The following BICC1 variants were observed in gnomAD, a reference collection of about 807,000 sequenced individuals.
The protein encoded by BICC1 is protein bicaudal C homolog 1.
BICC1 carries 43 observed loss-of-function variants against 111.0 expected under a neutral mutation model. The ratio of observed to expected loss-of-function variants is 0.39; its 90% CI spans 0.30 to 0.50. The LOEUF (loss-of-function observed/expected upper bound fraction) is 0.50. Among genes scored for constraint, BICC1 ranks in the 20% least tolerant of loss-of-function variants. BICC1 has a pLI of 0.88. For synonymous variants in BICC1, 467 were observed against 434.4 expected (o/e 1.07, Z -0.93); for missense variants, 1,091 against 1,203.2 (o/e 0.91, Z 1.38).
At chr10:58,693,692 G>T (rs1317813341) in intron 2 of BICC1, among the ~76,000 whole-genome samples, 1 of 151,656 alleles carries the variant, frequency 6.6e-6, no homozygotes, top group African/African-American at 2.4e-5. Flanking sequence ...TCCTTTGCCC[G>T]CTTTTTGATG....
chr10:58,831,065 G>C lies in BICC1; in HGVS notation c.*2174G>C, dbSNP rs1844538571. Reference sequence around the variant, plus strand: ...GCTTTGATATGCCAAAGGGAAAACTGTCCCACTTAAATTAGATTAAGTAGG... The same window carrying C: ...GCTTTGATATGCCAAAGGGAAAACTCTCCCACTTAAATTAGATTAAGTAGG... On this transcript the variant is annotated 3_prime_UTR_variant, in exon 21 of 21. Transcript: ENST00000373886. 2 of 152,134 alleles carry C rather than the reference G, an allele frequency of 1.3e-5. 1 individual carries two copies. The highest frequency in any genetic ancestry group is 1.3e-4 in the Admixed American group (2 of 15,256). 9.4% of individuals were successfully genotyped at this position (152,134 alleles called of 1,614,324 possible).
At chr10:58,638,753 T>C (rs1224950052) in intron 2 of BICC1, among the ~76,000 whole-genome samples, 1 of 152,198 alleles carries the variant, frequency 6.6e-6, no homozygotes, top group African/African-American at 2.4e-5. Flanking sequence ...GTCCCGGCAC[T>C]GGGTATCTCT....
chr10:58,547,091 T>G (rs1412758250), intron 1 of BICC1, among the ~76,000 whole-genome samples: 1 of 152,214 alleles, frequency 6.6e-6, no homozygotes, highest in Non-Finnish European at 1.5e-5. Flanking sequence ...CAAACCCAGT[T>G]TCCCCTTATT....
At chr10:58,673,344 T>G (rs1190402761) in intron 2 of BICC1, among the ~76,000 whole-genome samples, 1 of 152,172 alleles carries the variant, frequency 6.6e-6, no homozygotes, top group Non-Finnish European at 1.5e-5. Context: ...CCAATATTTA[T>G]TCAGGAAGTA....
At chr10:58,677,638 A>G (rs1371654537) in intron 2 of BICC1, among the ~76,000 whole-genome samples, 1 of 152,248 alleles carries the variant, frequency 6.6e-6, no homozygotes, top group East Asian at 1.9e-4. Context: ...GCTGTTCTCC[A>G]GGAGAACTTT....
intron 3 of BICC1, among the ~76,000 whole-genome samples, chr10:58,741,086 A>G (rs1308681948): frequency 6.6e-6 from 1 of 152,132 alleles, no homozygotes; most frequent in Non-Finnish European, 1.5e-5. Flanking sequence ...TGTCCTAAGG[A>G]ATTTGTTCTT....
intron 3 of BICC1, among the ~76,000 whole-genome samples, chr10:58,773,267 A>G (rs1842666230): frequency 6.6e-6 from 1 of 152,160 alleles, no homozygotes; most frequent in Non-Finnish European, 1.5e-5. Flanking sequence ...TTCTGTGGAG[A>G]AAGGAGACCA....
chr10:58,806,943 A>C, intron 16 of BICC1, 61 bp from the exon 17 acceptor site: 1 of 1,426,092 alleles, frequency 7.0e-7, no homozygotes, highest in Non-Finnish European at 9.6e-7. Context: ...ACTTATCATC[A>C]GTATTTTATT....
intron 3 of BICC1, among the ~76,000 whole-genome samples, chr10:58,769,919 A>C (rs2132718010): frequency 6.6e-6 from 1 of 152,300 alleles, no homozygotes; most frequent in South Asian, 2.1e-4. Context: ...CGTACTGATT[A>C]GCATGAACAT....
At chr10:58,745,158 G>A (rs557466600) in intron 3 of BICC1, among the ~76,000 whole-genome samples, 1 of 152,130 alleles carries the variant, frequency 6.6e-6, no homozygotes, top group Admixed American at 6.6e-5. Context: ...TTTAACCACA[G>A]GTTATGGCTG....
chr10:58,739,062 T>G (rs9415579), intron 3 of BICC1, among the ~76,000 whole-genome samples: 1 of 151,928 alleles, frequency 6.6e-6, no homozygotes, highest in African/African-American at 2.4e-5. Context: ...TTTTCCTAAT[T>G]GAATACCCTT....
intron 3 of BICC1, chr10:58,715,969 C>T (rs1840727325): frequency 5.0e-6 from 7 of 1,387,482 alleles, no homozygotes; most frequent in Admixed American, 2.0e-5. Context: ...GAACCGTTCA[C>T]ATAAATCTTC....
Position 58,513,014 on chromosome 10 carries a change from G to T in BICC1, c.-130G>T, listed in dbSNP as rs1213887659. 7.3e-5 allele frequency: 42 copies of T among 576,100 alleles called. No individual in the cohort carries two copies. The East Asian group carries it at 2.4e-3, about 33-fold the overall frequency. The allele number at this position is 576,100 out of a possible 1,614,324, so 35.7% of individuals were successfully genotyped here. Reference sequence around the variant, plus strand: ...AGTGGCGGCGGCGGCGTTGGCGGTGGCGTCGGCGGCTGCAGGGGGACGAGC... The same window carrying T: ...AGTGGCGGCGGCGGCGTTGGCGGTGTCGTCGGCGGCTGCAGGGGGACGAGC... On this transcript the variant is annotated 5_prime_UTR_variant, in exon 1 of 21. Coordinates refer to ENST00000373886, the MANE Select transcript of BICC1 (RefSeq NM_001080512.3).
At chr10:58,676,066 A>G (rs1017799820) in intron 2 of BICC1, among the ~76,000 whole-genome samples, 1 of 152,110 alleles carries the variant, frequency 6.6e-6, no homozygotes, top group Non-Finnish European at 1.5e-5. Context: ...AAGGGAAGCT[A>G]TGAGTGAGGG....
intron 3 of BICC1, among the ~76,000 whole-genome samples, chr10:58,732,948 T>G (rs766332629): frequency 1.3e-5 from 2 of 152,058 alleles, no homozygotes; most frequent in Non-Finnish European, 2.9e-5. Flanking sequence ...AAACACAAAG[T>G]GAGCACATTG....
At chr10:58,695,507 A>G (rs992472097) in intron 2 of BICC1, among the ~76,000 whole-genome samples, 6 of 152,224 alleles carry the variant, frequency 3.9e-5, no homozygotes, top group South Asian at 2.1e-4. Context: ...TGAAGAGAGT[A>G]TAAATGTTGA....
chr10:58,777,687 A>G (rs1842783720), intron 3 of BICC1, among the ~76,000 whole-genome samples: 1 of 152,144 alleles, frequency 6.6e-6, no homozygotes, highest in Non-Finnish European at 1.5e-5. Flanking sequence ...TCCTGCCATT[A>G]TCATGTCAAA....
chr10:58,614,559 G>T (rs1259471036), intron 1 of BICC1, among the ~76,000 whole-genome samples: 2 of 152,168 alleles, frequency 1.3e-5, no homozygotes, highest in African/African-American at 2.4e-5. Context: ...TGCTAAAGGT[G>T]CAGGTTTCTG....
chr10:58,513,481 C>G, intron 1 of BICC1, 148 bp downstream of exon 1: 1 of 742,946 alleles, frequency 1.3e-6, no homozygotes, highest in Non-Finnish European at 2.1e-6. Context: ...CGGAGGACAC[C>G]CAGGGACTGG....
Sources: allele counts gnomAD v4.1 joint callset (sites outside exome capture counted in the v4.1 genomes callset), GRCh38; gene constraint gnomAD v4.1.1; transcripts MANE v1.5; gene names NCBI Gene and HGNC (gene_info 2026-07-23, HGNC 2026-07-21).